NAALADL2: variants seen among roughly 807,000 people sequenced by gnomAD.
NAALADL2 encodes inactive N-acetylated-alpha-linked acidic dipeptidase-like protein 2.
A neutral mutation model predicts 87.2 loss-of-function variants in NAALADL2; 76 were observed. The observed-to-expected ratio is 0.87, with a 90% CI of 0.72 to 1.05. The LOEUF (loss-of-function observed/expected upper bound fraction) is 1.05. Ranked by LOEUF, NAALADL2 falls within the 50% of genes least tolerant of loss-of-function variation. The pLI is 0.00. For missense variants in NAALADL2, 1,089 were observed against 945.8 expected (o/e 1.15, Z -1.99); for synonymous variants, 354 against 331.0 (o/e 1.07, Z -0.75).
At chr3:175,260,993 G>A (rs1750930358) in intron 4 of NAALADL2, among the ~76,000 whole-genome samples, 1 of 152,050 alleles carries the variant, frequency 6.6e-6, no homozygotes, top group Admixed American at 6.6e-5. Flanking sequence ...TTTCTGATAT[G>A]TGCTGTGAAA....
chr3:174,852,521 T>G (rs1431469199), intron 3 of NAALADL2, among the ~76,000 whole-genome samples: 1 of 151,980 alleles, frequency 6.6e-6, no homozygotes, highest in East Asian at 1.9e-4. Flanking sequence ...AAGTGAAATA[T>G]CTCTATAAAA....
At chr3:175,176,857 G>A (rs756617805) in intron 2 of NAALADL2, among the ~76,000 whole-genome samples, 1 of 151,938 alleles carries the variant, frequency 6.6e-6, no homozygotes, top group Admixed American at 6.6e-5. Flanking sequence ...TGATTTTAGC[G>A]CCACAAAATC....
chr3:174,523,725 C>A (rs1246493876), intron 1 of NAALADL2, among the ~76,000 whole-genome samples: 1 of 152,214 alleles, frequency 6.6e-6, no homozygotes, highest in Non-Finnish European at 1.5e-5. Context: ...CTGCTGCCTA[C>A]CTCATCCATG....
intron 1 of NAALADL2, among the ~76,000 whole-genome samples, chr3:174,888,950 C>G (rs991623330): frequency 2.0e-4 from 31 of 152,086 alleles, no homozygotes; most frequent in Non-Finnish European, 4.1e-4. Context: ...ATTTGAATCT[C>G]AAAAAACTTT....
At chr3:174,658,422 G>A (rs1441312361) in intron 2 of NAALADL2, among the ~76,000 whole-genome samples, 1 of 152,120 alleles carries the variant, frequency 6.6e-6, no homozygotes, top group Non-Finnish European at 1.5e-5. Flanking sequence ...CTCTTCTTTG[G>A]TGAGGTGTCT....
intron 11 of NAALADL2, among the ~76,000 whole-genome samples, chr3:175,657,203 C>CT (rs1015391442): frequency 5.3e-4 from 80 of 152,172 alleles, no homozygotes; most frequent in African/African-American, 1.9e-3. Context: ...TTTCAGGATT[C>CT]TAAGTACTTG....
intron 11 of NAALADL2, among the ~76,000 whole-genome samples, chr3:175,736,887 T>C (rs9858278): frequency 0.41 from 62,149 of 152,036 alleles, 15,888 homozygotes; most frequent in African/African-American, 0.73. Context: ...TAAAATAAAT[T>C]GATCATTAAT....
chr3:174,467,160 A>G (rs900875066), intron 1 of NAALADL2, among the ~76,000 whole-genome samples: 10 of 152,200 alleles, frequency 6.6e-5, no homozygotes, highest in African/African-American at 2.4e-4. Context: ...GTTCTTTGGA[A>G]AGCAGTTTAT....
At chr3:175,605,152 C>A (rs2149652742) in intron 10 of NAALADL2, among the ~76,000 whole-genome samples, 1 of 152,298 alleles carries the variant, frequency 6.6e-6, no homozygotes, top group Middle Eastern at 3.4e-3. Context: ...TTCATCTACT[C>A]ATGACCTCAA....
At chr3:175,158,996 G>A (rs1732732341) in intron 2 of NAALADL2, among the ~76,000 whole-genome samples, 2 of 152,032 alleles carry the variant, frequency 1.3e-5, no homozygotes, top group South Asian at 2.1e-4. Flanking sequence ...AAAGTCATTA[G>A]TGAATTTTTA....
At chr3:175,178,300 A>G (rs1735982361) in intron 2 of NAALADL2, among the ~76,000 whole-genome samples, 1 of 152,068 alleles carries the variant, frequency 6.6e-6, no homozygotes, top group Non-Finnish European at 1.5e-5. Flanking sequence ...AAAAAAGGGT[A>G]CATATAATTT....
intron 2 of NAALADL2, among the ~76,000 whole-genome samples, chr3:175,137,771 T>TTA (rs1232636160): frequency 2.3e-4 from 22 of 94,100 alleles, no homozygotes; most frequent in African/African-American, 8.0e-4. Flanking sequence ...GCTAAGTTTG[T>TTA]TTTGTTTTGT....
chr3:175,323,902 C>T (rs1309458513), intron 4 of NAALADL2, among the ~76,000 whole-genome samples: 1 of 151,228 alleles, frequency 6.6e-6, no homozygotes, highest in Non-Finnish European at 1.5e-5. Context: ...CCTGTGGTCC[C>T]AGCTACTCGG....
intron 1 of NAALADL2, among the ~76,000 whole-genome samples, chr3:174,460,244 A>C: frequency 7.3e-6 from 1 of 136,714 alleles, no homozygotes; most frequent in East Asian, 3.0e-4. Context: ...GAATTCAAAT[A>C]TGAGTTTTAT....
At chr3:175,430,821 A>G (rs1717624947) in intron 5 of NAALADL2, among the ~76,000 whole-genome samples, 2 of 152,046 alleles carry the variant, frequency 1.3e-5, no homozygotes, top group African/African-American at 4.8e-5. Context: ...ATATAATGCT[A>G]TGTCATTAGT....
intron 1 of NAALADL2, among the ~76,000 whole-genome samples, chr3:174,889,891 C>A (rs571009886): frequency 6.6e-6 from 1 of 152,256 alleles, no homozygotes; most frequent in Admixed American, 6.5e-5. Context: ...AGTTTCTTTT[C>A]AGTTTATGGT....
chr3:175,724,776 A>G (rs1742710292), intron 11 of NAALADL2, among the ~76,000 whole-genome samples: 2 of 152,044 alleles, frequency 1.3e-5, no homozygotes, highest in African/African-American at 4.8e-5. Context: ...TTTAATGTTC[A>G]TATTTTTTGA....
intron 1 of NAALADL2, 46 bp downstream of exon 1, chr3:174,859,496 A>G: frequency 6.7e-7 from 1 of 1,502,390 alleles, no homozygotes. Flanking sequence ...ACAATCAGAA[A>G]CTTAAGCAGT....
At chr3:175,089,997 T>C (rs921286295) in intron 1 of NAALADL2, among the ~76,000 whole-genome samples, 1 of 152,164 alleles carries the variant, frequency 6.6e-6, no homozygotes, top group Non-Finnish European at 1.5e-5. Context: ...ACTGTATTTA[T>C]CTCATGTATG....
Sources: allele counts gnomAD v4.1 joint callset (sites outside exome capture counted in the v4.1 genomes callset), GRCh38; gene constraint gnomAD v4.1.1; transcripts MANE v1.5; gene names NCBI Gene and HGNC (gene_info 2026-07-23, HGNC 2026-07-21).